ZNF564: variants seen among roughly 807,000 people sequenced by gnomAD.
The protein encoded by ZNF564 is zinc finger protein 564.
In ZNF564, 5 loss-of-function variants were observed where a neutral mutation model predicts 10.5. That is an observed-to-expected ratio of 0.48 (90% CI 0.25 to 1.00). The LOEUF is 1.00. Ranked by LOEUF, ZNF564 falls within the 50% of genes least tolerant of loss-of-function variation. ZNF564 has a pLI of 0.16. For synonymous variants in ZNF564, 242 were observed against 218.1 expected, an observed-to-expected ratio of 1.11 and a Z score of -0.97; for missense variants, 603 against 669.7, an observed-to-expected ratio of 0.90 and a Z score of 1.10.
intron 1 of ZNF564, among the ~76,000 whole-genome samples, chr19:12,533,727 CAA>C (rs59631972): frequency 3.4e-5 from 1 of 29,180 alleles, no homozygotes; most frequent in African/African-American, 1.7e-4. Flanking sequence ...CTGCTGTCTC[CAA>C]AAAAAAAAAA....
At chr19:12,529,594 A>G (rs1453131492) in intron 1 of ZNF564, among the ~76,000 whole-genome samples, 2 of 127,180 alleles carry the variant, frequency 1.6e-5, no homozygotes. Context: ...GGACAGAGAG[A>G]GACTAAGTCT....
chr19:12,545,023 C>A (rs1322032502), intron 1 of ZNF564, among the ~76,000 whole-genome samples: 2 of 152,062 alleles, frequency 1.3e-5, no homozygotes, highest in Non-Finnish European at 2.9e-5. Flanking sequence ...CTTTGGGAGG[C>A]CAAGGCGGGT....
At position 12,527,168 on chromosome 19, in the gene ZNF564, A is replaced by G; in HGVS notation, c.940T>C (p.Cys314Arg). 6.2e-7 allele frequency: 1 copy of G among 1,614,172 alleles called. No homozygotes were observed. The highest frequency in any genetic ancestry group is 8.5e-7 in the Non-Finnish European group (1 of 1,180,016). ...CTGGGAAAAATAAAGGCTCTCCCAC[A>G]TACTTTACATTTATAAGGTCCATCC... ...TGDGPYKCKV[C>R]GRAFIFPSYV... Residue 314 changes from cysteine (C) to arginine (R), a missense_variant, in exon 4 of 4, where the codon TGT becomes CGT. Transcript: ENST00000339282.
chr19:12,542,455 T>G (rs187468704), intron 1 of ZNF564, among the ~76,000 whole-genome samples: 1 of 150,588 alleles, frequency 6.6e-6, no homozygotes, highest in African/African-American at 2.4e-5. Context: ...TAATGAAACC[T>G]CAACCAAAAT....
intron 1 of ZNF564, chr19:12,548,865 G>A (rs1221701641): frequency 4.3e-6 from 3 of 702,624 alleles, no homozygotes; most frequent in Non-Finnish European, 7.8e-6. Context: ...TCTCTACCCT[G>A]CAAAGGAGAA....
At position 12,528,301 on chromosome 19, in the gene ZNF564, T is replaced by TACCTTAAAA; in HGVS notation, c.185_191+2dup. The TACCTTAAAA allele has an allele frequency of 6.2e-7, 1 of 1,607,766 alleles. No individual in the cohort carries two copies. Among genetic ancestry groups the TACCTTAAAA allele is most frequent in the Non-Finnish European group, 8.5e-7 (1 of 1,178,484 alleles). ...ATTGCTTTATCTTGTCAGTGCAAAT[T>TACCTTAAAA]ACCTTAAAATTCTCCCCTGATTTTT... On this transcript the variant is annotated splice_region_variant and intron_variant, in intron 3 of 3. Transcript: ENST00000339282.
chr19:12,535,230 G>A (rs900583159), intron 1 of ZNF564, among the ~76,000 whole-genome samples: 9 of 151,846 alleles, frequency 5.9e-5, no homozygotes, highest in Non-Finnish European at 1.0e-4. Flanking sequence ...AAAATCAGCC[G>A]GGCATGGTGG....
intron 1 of ZNF564, chr19:12,548,707 C>T: frequency 1.5e-6 from 1 of 686,170 alleles, no homozygotes; most frequent in South Asian, 1.5e-5. Flanking sequence ...CAATAGAGAC[C>T]TCACATTATT....
chr19:12,546,341 A>G (rs890168958), intron 1 of ZNF564, among the ~76,000 whole-genome samples: 16 of 152,074 alleles, frequency 1.1e-4, no homozygotes, highest in African/African-American at 3.6e-4. Context: ...ACTCTCCACC[A>G]CCACCACCAC....
chr19:12,532,474 G>A (rs967013224), intron 1 of ZNF564, among the ~76,000 whole-genome samples: 1 of 135,248 alleles, frequency 7.4e-6, no homozygotes, highest in Non-Finnish European at 1.5e-5. Context: ...GGCGGAGCTT[G>A]CAGTGAGCCG....
Position 12,527,437 on chromosome 19 carries a change from G to A in ZNF564, c.671C>T (p.Pro224Leu), listed in dbSNP as rs1296270298. The change falls in exon 4 of 4, where the codon CCC becomes CTC. Residue 224 changes from proline to leucine, a missense_variant. Pro to Leu is a moderately conservative substitution (Grantham distance 98). Transcript: ENST00000339282. ...TTTTGCACATTCCTGACATTCATAG[G>A]GTTTCTCTCCAGTGTGAGTTCTTTC... Reference protein sequence around the residue: ...IHERTHTGEKPYECQECAKAF... With the variant: ...IHERTHTGEKLYECQECAKAF... 6.2e-7 allele frequency: 1 copy of A among 1,614,072 alleles called. No homozygotes were observed. The highest frequency in any genetic ancestry group is 8.5e-7 in the Non-Finnish European group (1 of 1,179,988).
In ZNF564 at chr19:12,551,441, G is replaced by A. The variant is rs2022261035; in HGVS notation, c.-109C>T. 2 of 1,442,650 alleles carry A rather than the reference G, an allele frequency of 1.4e-6. No homozygotes were observed. Among genetic ancestry groups the A allele is most frequent in the Non-Finnish European group, 1.8e-6 (2 of 1,095,882 alleles). The allele number at this position is 1,442,650 out of a possible 1,614,324, so 89.4% of individuals were successfully genotyped here. A position where few individuals can be genotyped will look rare whatever the true frequency, so the allele number is the denominator to read the frequency against. Reference sequence around the variant, plus strand: ...GAGCCACCGGGGCCACTGGAGAAGCGGAGACCGGAACCCAAACGCAGCGGA... The same window carrying A: ...GAGCCACCGGGGCCACTGGAGAAGCAGAGACCGGAACCCAAACGCAGCGGA... On this transcript the variant is annotated 5_prime_UTR_variant, in exon 1 of 4. Coordinates refer to ENST00000339282, the MANE Select transcript of ZNF564 (RefSeq NM_144976.4).
intron 1 of ZNF564, among the ~76,000 whole-genome samples, chr19:12,534,541 C>T (rs1256921566): frequency 6.6e-6 from 1 of 152,160 alleles, no homozygotes; most frequent in African/African-American, 2.4e-5. Flanking sequence ...CGGCCAGGCA[C>T]AGTGGCTCAT....
intron 1 of ZNF564, among the ~76,000 whole-genome samples, chr19:12,540,018 T>C (rs759158695): frequency 1.8e-4 from 27 of 152,012 alleles, no homozygotes; most frequent in Middle Eastern, 3.4e-3. Context: ...TGACATTCCA[T>C]AGTACACACA....
intron 1 of ZNF564, among the ~76,000 whole-genome samples, chr19:12,533,958 T>C (rs777364821): frequency 6.7e-6 from 1 of 148,242 alleles, no homozygotes; most frequent in Non-Finnish European, 1.5e-5. Context: ...AAAAAGAAAT[T>C]ACTAAGATCA....
At position 12,526,450 on chromosome 19, in the gene ZNF564, T is replaced by C; in HGVS notation, c.1658A>G (p.Glu553Gly). The change falls in exon 4 of 4, where the codon GAA becomes GGA. Residue 553 changes from glutamate to glycine, a missense_variant. By Grantham distance (98) the Glu-to-Gly change is moderately conservative. Coordinates refer to ENST00000339282, the MANE Select transcript of ZNF564 (RefSeq NM_144976.4). The stretch of plus-strand genomic sequence containing the variant: ...TACTTGTAGACCTGTCCTCCACTAT[T>C]CATTTTCACAGGTATTCGAAGGTTG... ...ITQPSNTCEN[E>G] The C allele has an allele frequency of 1.3e-6, 2 of 1,586,040 alleles. No individual in the cohort carries two copies. The highest frequency in any genetic ancestry group is 1.7e-6 in the Non-Finnish European group (2 of 1,168,354).
chr19:12,540,949 T>A (rs1442562457), intron 1 of ZNF564, among the ~76,000 whole-genome samples: 1 of 147,124 alleles, frequency 6.8e-6, no homozygotes, highest in Non-Finnish European at 1.5e-5. Flanking sequence ...GAGTGGAGGT[T>A]GCGGTGAGCT....
chr19:12,536,805 A>C (rs776807610), intron 1 of ZNF564, among the ~76,000 whole-genome samples: 1 of 152,164 alleles, frequency 6.6e-6, no homozygotes, highest in Admixed American at 6.5e-5. Context: ...TCTTATTCTC[A>C]TTGGTAAATA....
Position 12,527,694 on chromosome 19 carries a change from C to A in ZNF564, c.414G>T (p.Glu138Asp). ...HKPYDYQEYG[E>D]KPYKCKQCGK... ...CACACTGCTTACATTTATATGGTTT[C>A]TCTCCATATTCCTGATAGTCATATG... Residue 138 changes from glutamate to aspartate, a missense_variant, in exon 4 of 4, where the codon GAG becomes GAT. By Grantham distance (45) the Glu-to-Asp change is conservative (BLOSUM62 2). Transcript: ENST00000339282. The A allele has an allele frequency of 6.2e-7, 1 of 1,614,154 alleles. No individual in the cohort carries two copies.
Sources: gnomAD v4.1 joint callset for allele counts (sites outside exome capture counted in the v4.1 genomes callset) on GRCh38, gnomAD v4.1.1 for gene constraint, MANE v1.5 for transcripts, NCBI Gene and HGNC (gene_info 2026-07-23, HGNC 2026-07-21) for gene names.